ERP44: variants seen among roughly 807,000 people sequenced by gnomAD.
ERP44 encodes the protein endoplasmic reticulum protein 44, also known as endoplasmic reticulum resident protein 44.
A neutral mutation model predicts 53.4 loss-of-function variants in ERP44; 25 were observed. The ratio of observed to expected loss-of-function variants is 0.47; its 90% CI spans 0.34 to 0.65. The LOEUF (loss-of-function observed/expected upper bound fraction) is 0.65, where lower values mean the gene tolerates loss of function less well. Ranked by LOEUF, ERP44 falls within the 30% of genes least tolerant of loss-of-function variation. The pLI is 0.01. For missense variants in ERP44, 338 were observed against 493.2 expected (o/e 0.69, Z 2.98); for synonymous variants, 145 against 161.2 (o/e 0.90, Z 0.76).
intron 2 of ERP44, among the ~76,000 whole-genome samples, chr9:100,059,437 G>A (rs987047354): frequency 9.2e-5 from 14 of 152,176 alleles, no homozygotes; most frequent in Admixed American, 3.3e-4. Context: ...TGTAAACCCA[G>A]CACTTTGGGA....
chr9:99,981,600 C>T lies in ERP44; in HGVS notation c.*1012G>A, dbSNP rs1830149472. 6.6e-6 allele frequency: 1 copy of T among 152,640 alleles called. No homozygotes were observed. The highest frequency in any genetic ancestry group is 2.1e-4 in the South Asian group (1 of 4,832). 9.5% of individuals were successfully genotyped at this position (152,640 alleles called of 1,614,324 possible). A position where few individuals can be genotyped will look rare whatever the true frequency, so the allele number is the denominator to read the frequency against. The stretch of plus-strand genomic sequence containing the variant: ...TCCCTGGCAGTATTGAGGCCTGGCA[C>T]AGGGACCCATCTTACTGTATGCTGC... On this transcript the variant is annotated 3_prime_UTR_variant, in exon 12 of 12. Transcript: ENST00000262455.
intron 4 of ERP44, among the ~76,000 whole-genome samples, chr9:100,049,080 A>G (rs1181441114): frequency 6.6e-6 from 1 of 152,202 alleles, no homozygotes; most frequent in Non-Finnish European, 1.5e-5. Context: ...TACATATGTG[A>G]AAAAAGACTT....
chr9:100,098,740 G>A, intron 1 of ERP44, 44 bp downstream of exon 1: 4 of 1,543,902 alleles, frequency 2.6e-6, no homozygotes, highest in Non-Finnish European at 3.6e-6. Context: ...AGGGCCGGAG[G>A]CCGTTCGTGC....
At chr9:100,003,882 T>C (rs1445461891) in intron 10 of ERP44, among the ~76,000 whole-genome samples, 1 of 152,128 alleles carries the variant, frequency 6.6e-6, no homozygotes, top group African/African-American at 2.4e-5. Flanking sequence ...CTTCCGTCCA[T>C]GGAGACTGGC....
chr9:100,034,844 C>T (rs61049474), intron 4 of ERP44, among the ~76,000 whole-genome samples: 1 of 152,174 alleles, frequency 6.6e-6, no homozygotes, highest in African/African-American at 2.4e-5. Context: ...GCTATGATAA[C>T]CAGAACAGTA....
chr9:100,025,749 T>G (rs1830644282), intron 4 of ERP44, among the ~76,000 whole-genome samples: 1 of 152,140 alleles, frequency 6.6e-6, no homozygotes, highest in African/African-American at 2.4e-5. Flanking sequence ...CTGCTATCAC[T>G]TCTATATAAT....
In ERP44 at chr9:100,034,565, T is replaced by TA. The variant is rs577000073; in HGVS notation, c.287-12340dup. ...CCTAATTAATTTGCTTTCACTTAAT[T>TA]AAAAAAAACAAAAAAACAAAAAACA... On this transcript the variant is annotated intron_variant, in intron 4 of 11. Transcript: ENST00000262455. Among the ~76,000 whole-genome samples the TA allele has an allele frequency of 1.3e-4, 19 of 149,272 alleles. No individual in the cohort carries two copies. In the South Asian group the frequency reaches 2.3e-3, roughly 18 times the overall value.
chr9:100,075,678 C>T (rs1186255370), intron 1 of ERP44, among the ~76,000 whole-genome samples: 2 of 152,196 alleles, frequency 1.3e-5, no homozygotes, highest in Non-Finnish European at 2.9e-5. Flanking sequence ...GGTGTGGGGC[C>T]TGTCGAGATA....
At chr9:100,021,692 A>G (rs1037337500) in intron 5 of ERP44, among the ~76,000 whole-genome samples, 2 of 152,246 alleles carry the variant, frequency 1.3e-5, no homozygotes, top group Admixed American at 1.3e-4. Flanking sequence ...GAGCTCATAC[A>G]AAAGTAATTA....
intron 1 of ERP44, among the ~76,000 whole-genome samples, chr9:100,060,899 T>G (rs1272180911): frequency 6.6e-6 from 1 of 152,230 alleles, no homozygotes; most frequent in East Asian, 1.9e-4. Context: ...GTTTGCTGCC[T>G]GAAGAGATTT....
chr9:100,081,753 A>G (rs1327274538), intron 1 of ERP44, among the ~76,000 whole-genome samples: 1 of 152,198 alleles, frequency 6.6e-6, no homozygotes, highest in Non-Finnish European at 1.5e-5. Context: ...ATTTAGAACA[A>G]GACAGGAATG....
intron 1 of ERP44, among the ~76,000 whole-genome samples, chr9:100,077,025 A>G (rs976170017): frequency 6.6e-6 from 1 of 152,218 alleles, no homozygotes; most frequent in Non-Finnish European, 1.5e-5. Flanking sequence ...TGAGCCCTCA[A>G]TAAGGCACCT....
intron 1 of ERP44, among the ~76,000 whole-genome samples, chr9:100,096,300 T>C (rs1826627803): frequency 6.6e-6 from 1 of 152,100 alleles, no homozygotes; most frequent in Non-Finnish European, 1.5e-5. Context: ...CGGAAAACCC[T>C]GAATAAACCC....
intron 4 of ERP44, among the ~76,000 whole-genome samples, chr9:100,041,530 T>C (rs572029627): frequency 2.6e-5 from 4 of 152,158 alleles, no homozygotes; most frequent in Admixed American, 2.0e-4. Flanking sequence ...TAGTTGGGTA[T>C]GGTGGCACGT....
chr9:100,037,458 A>G (rs1433287159), intron 4 of ERP44, among the ~76,000 whole-genome samples: 3 of 152,182 alleles, frequency 2.0e-5, no homozygotes, highest in African/African-American at 2.4e-5. Flanking sequence ...AACTGGACTC[A>G]GAGCCAATGG....
chr9:99,984,318 C>T (rs558530481), intron 11 of ERP44, among the ~76,000 whole-genome samples: 51 of 151,868 alleles, frequency 3.4e-4, no homozygotes, highest in African/African-American at 1.1e-3. Context: ...AAATCATAAT[C>T]TATCAAAATG....
At chr9:100,067,812 T>C (rs1052111253) in intron 1 of ERP44, among the ~76,000 whole-genome samples, 2 of 149,384 alleles carry the variant, frequency 1.3e-5, no homozygotes, top group African/African-American at 5.0e-5. Context: ...CCGCCCATCG[T>C]CTGAGATGTG....
At chr9:100,011,758 A>G (rs1474198494) in intron 8 of ERP44, among the ~76,000 whole-genome samples, 3 of 152,234 alleles carry the variant, frequency 2.0e-5, no homozygotes, top group Admixed American at 2.0e-4. Context: ...AGGTTCAAAA[A>G]TAACACTGAA....
chr9:100,069,407 TAGAATACTCTACAAAACTACTTTCAGAC>T (rs1826274892), intron 1 of ERP44, among the ~76,000 whole-genome samples: 1 of 152,150 alleles, frequency 6.6e-6, no homozygotes, highest in Non-Finnish European at 1.5e-5. Flanking sequence ...ATCCATTTCT[TAGAATACTCTACAAAACTACTTTCAGAC>T]ATTAATAATT....
Sources: allele counts gnomAD v4.1 joint callset (sites outside exome capture counted in the v4.1 genomes callset), GRCh38; gene constraint gnomAD v4.1.1; transcripts MANE v1.5; gene names NCBI Gene and HGNC (gene_info 2026-07-23, HGNC 2026-07-21).